POU6F2: variants seen among roughly 807,000 people sequenced by gnomAD.
The protein encoded by POU6F2 is POU domain, class 6, transcription factor 2.
POU6F2 carries 31 observed loss-of-function variants against 71.3 expected under a neutral mutation model. That is an observed-to-expected ratio of 0.43 (90% CI 0.33 to 0.59). The LOEUF is 0.59. POU6F2 is among the 20% of genes least tolerant of loss of function. The probability of loss-of-function intolerance (pLI) is 0.04; values close to 1 mark genes in which losing one functional copy is unlikely to be tolerated. For synonymous variants in POU6F2, 347 were observed against 355.7 expected (o/e 0.98, Z 0.27); for missense variants, 783 against 856.8 (o/e 0.91, Z 1.07).
chr7:39,078,050 G>T (rs1255605744), intron 1 of POU6F2, among the ~76,000 whole-genome samples: 1 of 152,220 alleles, frequency 6.6e-6, no homozygotes, highest in East Asian at 1.9e-4. Context: ...CTACCATATG[G>T]TTAGAGATGA....
intron 4 of POU6F2, among the ~76,000 whole-genome samples, chr7:39,210,397 T>C (rs575060413): frequency 6.6e-6 from 1 of 152,148 alleles, no homozygotes; most frequent in South Asian, 2.1e-4. Flanking sequence ...GTCACAAATT[T>C]GCTAGGATGA....
At chr7:39,222,926 T>TCATA (rs1794398420) in intron 4 of POU6F2, among the ~76,000 whole-genome samples, 2 of 152,348 alleles carry the variant, frequency 1.3e-5, no homozygotes, top group African/African-American at 4.8e-5. Context: ...GAATGCTAGA[T>TCATA]CATACGGTAA....
At chr7:39,122,223 C>T (rs986972867) in intron 2 of POU6F2, among the ~76,000 whole-genome samples, 2 of 152,210 alleles carry the variant, frequency 1.3e-5, no homozygotes, top group African/African-American at 4.8e-5. Flanking sequence ...AAGTCGTGAG[C>T]TTAACTTGTG....
intron 6 of POU6F2, among the ~76,000 whole-genome samples, chr7:39,418,961 ATATG>A (rs371077073): frequency 6.9e-5 from 6 of 86,688 alleles, no homozygotes; most frequent in African/African-American, 1.4e-4. Context: ...ATATGTATAT[ATATG>A]TGTATATATG....
rs74378232 is a variant in POU6F2, at chr7:39,283,341, G to A, written c.599-56301G>A. Among the ~76,000 whole-genome samples the A allele has an allele frequency of 7.7e-3, 1,175 of 151,744 alleles. 52 individuals are homozygous for A. In the East Asian group the frequency reaches 0.14, roughly 18 times the overall value. On this transcript the variant is annotated intron_variant, in intron 4 of 9. Transcript: ENST00000518318. ...AGTCGTACTAAGTACATTCACATTCGTAAGTAACCATCATTGCTATCCATC... is the reference window on the plus strand; with the variant it reads ...AGTCGTACTAAGTACATTCACATTCATAAGTAACCATCATTGCTATCCATC...
chr7:39,266,250 G>C (rs548570157), intron 4 of POU6F2, among the ~76,000 whole-genome samples: 2 of 152,286 alleles, frequency 1.3e-5, no homozygotes, highest in East Asian at 3.9e-4. Flanking sequence ...TAACTTTATT[G>C]GAGGCGGAGG....
intron 4 of POU6F2, among the ~76,000 whole-genome samples, chr7:39,264,746 T>C (rs950088281): frequency 3.3e-5 from 5 of 152,166 alleles, no homozygotes; most frequent in Admixed American, 3.3e-4. Flanking sequence ...TCAGAGGATA[T>C]ATGTGCAAAT....
At chr7:39,141,215 AATTATTG>A (rs1792493212) in intron 2 of POU6F2, among the ~76,000 whole-genome samples, 1 of 152,104 alleles carries the variant, frequency 6.6e-6, no homozygotes, top group African/African-American at 2.4e-5. Context: ...CATTATTGAT[AATTATTG>A]ATTATCAATA....
rs1393174113 is a variant in POU6F2 at position 39,194,545 on chromosome 7, AG to A, written c.278-9689del. 0.011 allele frequency among the ~76,000 whole-genome samples: 59 copies of A among 5,474 alleles called. 2 individuals are homozygous for A. The East Asian group carries it at 0.51, about 47-fold the overall frequency. 3.6% of individuals were successfully genotyped at this position (5,474 alleles called of 152,430 possible). On this transcript the variant is annotated intron_variant, in intron 2 of 9. Transcript: ENST00000518318. Reference sequence around the variant, plus strand: ...AAACGGAGCAATCAGCACTCTGTAAAGTGGACCAATCAGCGCTCTGTAAAGT... The same window carrying A: ...AAACGGAGCAATCAGCACTCTGTAAATGGACCAATCAGCGCTCTGTAAAGT...
At chr7:39,096,708 G>A (rs1305803193) in intron 2 of POU6F2, among the ~76,000 whole-genome samples, 1 of 151,922 alleles carries the variant, frequency 6.6e-6, no homozygotes, top group Admixed American at 6.6e-5. Context: ...TTGCTGAGAT[G>A]TTTTGTCAGT....
At chr7:39,234,073 A>G (rs1321228220) in intron 4 of POU6F2, among the ~76,000 whole-genome samples, 4 of 152,228 alleles carry the variant, frequency 2.6e-5, no homozygotes, top group Admixed American at 6.5e-5. Flanking sequence ...ATACAGCACT[A>G]TAAGAGCCCC....
At chr7:39,208,133 C>T (rs567981367) in intron 4 of POU6F2, among the ~76,000 whole-genome samples, 22 of 152,300 alleles carry the variant, frequency 1.4e-4, no homozygotes, top group Non-Finnish European at 2.5e-4. Flanking sequence ...TATTTGAGCT[C>T]ATATTTTGCA....
intron 6 of POU6F2, among the ~76,000 whole-genome samples, chr7:39,419,850 T>G (rs1416293796): frequency 6.6e-6 from 1 of 152,146 alleles, no homozygotes; most frequent in Non-Finnish European, 1.5e-5. Flanking sequence ...TTCTTCAGAT[T>G]AGCAGCAGCA....
At chr7:38,987,994 C>T (rs1205196741) in intron 1 of POU6F2, among the ~76,000 whole-genome samples, 1 of 152,080 alleles carries the variant, frequency 6.6e-6, no homozygotes, top group Admixed American at 6.6e-5. Context: ...TAGCTGGCTT[C>T]TTTGCCTGGA....
chr7:39,008,463 T>G (rs1451445791), intron 1 of POU6F2, among the ~76,000 whole-genome samples: 1 of 150,038 alleles, frequency 6.7e-6, no homozygotes, highest in Non-Finnish European at 1.5e-5. Flanking sequence ...TTTCTCCCAT[T>G]TTGTAGGTTG....
At chr7:39,198,699 C>G (rs1793832727) in intron 2 of POU6F2, among the ~76,000 whole-genome samples, 1 of 152,198 alleles carries the variant, frequency 6.6e-6, no homozygotes, top group Admixed American at 6.5e-5. Flanking sequence ...CTAAGGGTCT[C>G]TACAGTGTTC....
intron 1 of POU6F2, among the ~76,000 whole-genome samples, chr7:39,008,392 G>C (rs1358155921): frequency 6.6e-6 from 1 of 152,108 alleles, no homozygotes; most frequent in Admixed American, 6.5e-5. Context: ...TTGTAAATTT[G>C]TTTGAGTTCA....
chr7:39,170,798 T>C (rs1301496908), intron 2 of POU6F2, among the ~76,000 whole-genome samples: 1 of 152,026 alleles, frequency 6.6e-6, no homozygotes, highest in Admixed American at 6.6e-5. Context: ...CCAATTACCC[T>C]GATGTGATCA....
At chr7:39,332,837 A>G (rs1785683795) in intron 4 of POU6F2, among the ~76,000 whole-genome samples, 1 of 152,128 alleles carries the variant, frequency 6.6e-6, no homozygotes, top group Non-Finnish European at 1.5e-5. Context: ...AAGGACTGGG[A>G]AAAGCAATGG....
Sources: allele counts gnomAD v4.1 joint callset (sites outside exome capture counted in the v4.1 genomes callset), GRCh38; gene constraint gnomAD v4.1.1; transcripts MANE v1.5; gene names NCBI Gene and HGNC (gene_info 2026-07-23, HGNC 2026-07-21).